The following PIP variants were observed in gnomAD, a reference collection of about 807,000 sequenced individuals.
PIP encodes prolactin-inducible protein.
PIP carries 9 observed loss-of-function variants against 12.8 expected under a neutral mutation model. That is an observed-to-expected ratio of 0.70 (90% CI 0.42 to 1.23). The LOEUF (loss-of-function observed/expected upper bound fraction) is 1.23, where lower values mean the gene tolerates loss of function less well. Ranked by LOEUF, PIP falls within the 50% of genes most tolerant of loss-of-function variation. The pLI, the probability that PIP is intolerant of heterozygous loss-of-function variation, is 0.00. For missense variants in PIP, 172 were observed against 179.5 expected, an observed-to-expected ratio of 0.96 and a Z score of 0.24; for synonymous variants, 60 against 66.1, an observed-to-expected ratio of 0.91 and a Z score of 0.45.
Position 143,139,508 on chromosome 7 carries a change from T to C in PIP, c.317-10T>C. On this transcript the variant is annotated splice_polypyrimidine_tract_variant and intron_variant, in intron 3 of 3. Coordinates refer to ENST00000291009, the MANE Select transcript of PIP (RefSeq NM_002652.3). ...GTCTGAGAGATGATCTCCGTCCCTG[T>C]CTTTTTCAGGAACTGTGCAAATTGC... 6.2e-7 allele frequency: 1 copy of C among 1,613,170 alleles called. No homozygotes were observed. The highest frequency in any genetic ancestry group is 8.5e-7 in the Non-Finnish European group (1 of 1,179,184).
chr7:143,139,304 C>A, intron 3 of PIP, 115 bp downstream of exon 3: 1 of 844,746 alleles, frequency 1.2e-6, no homozygotes, highest in Non-Finnish European at 2.0e-6. Context: ...GGCAGAAGGA[C>A]AGAAGGGAGG....
chr7:143,136,324 A>G (rs1040085157), intron 2 of PIP, among the ~76,000 whole-genome samples: 1 of 152,106 alleles, frequency 6.6e-6, no homozygotes, highest in Non-Finnish European at 1.5e-5. Flanking sequence ...ATTTCCTTAC[A>G]ACATAAGTTT....
chr7:143,139,537 C>G lies in PIP; in HGVS notation c.336C>G (p.Ala112=), dbSNP rs367785031. Residue 112 remains alanine, a synonymous_variant, in exon 4 of 4, where the codon GCC becomes GCG. Coordinates refer to ENST00000291009, the MANE Select transcript of PIP (RefSeq NM_002652.3). ...TTTCAGGAACTGTGCAAATTGCAGC[C>G]GTCGTTGATGTTATTCGGGAATTAG... ...FYTNRTVQIA[A]VVDVIRELGI... is the part of the protein sequence containing the mutation. 1.2e-6 allele frequency: 2 copies of G among 1,613,232 alleles called. No homozygotes were observed. The highest frequency in any genetic ancestry group is 2.2e-5 in the East Asian group (1 of 44,884).
At chr7:143,133,983 C>T (rs535681403) in intron 1 of PIP, among the ~76,000 whole-genome samples, 11 of 151,236 alleles carry the variant, frequency 7.3e-5, no homozygotes, top group African/African-American at 1.9e-4. Context: ...CACTCTTCCC[C>T]GCAAGTCCCC....
In PIP at chr7:143,135,296, G is replaced by A. The variant is rs748262434; in HGVS notation, c.198G>A (p.Met66Ile). The change falls in exon 2 of 4, where the codon ATG (methionine) becomes ATA (isoleucine). Residue 66 changes from methionine (M) to isoleucine (I), a missense_variant. Transcript: ENST00000291009. ...TTCAAACAGAATTGAAAGAATGCAT[G>A]GTGGTAAGTAGAGGACTGGGGGCGT... ...LAVQTELKEC[M>I]VVKTYLISSI... The A allele has an allele frequency of 2.1e-5, 32 of 1,518,638 alleles. No homozygotes were observed. The highest frequency in any genetic ancestry group is 2.6e-5 in the Non-Finnish European group (28 of 1,093,332). The allele number at this position is 1,518,638 out of a possible 1,614,324, so 94.1% of individuals were successfully genotyped here.
chr7:143,135,892 G>A (rs979949124), intron 2 of PIP, among the ~76,000 whole-genome samples: 2 of 151,966 alleles, frequency 1.3e-5, no homozygotes, highest in African/African-American at 4.8e-5. Flanking sequence ...TCTGAACAAG[G>A]TCAGAGGTTT....
rs770314871 is a variant in PIP at position 143,139,518 on chromosome 7, G to C, written c.317G>C (p.Arg106Thr). Residue 106 changes from arginine to threonine, a missense_variant and splice_region_variant, in exon 4 of 4, where the codon AGA (arginine) becomes ACA (threonine). Physicochemically the swap from Arg to Thr is moderately conservative, Grantham distance 71. Coordinates refer to ENST00000291009, the MANE Select transcript of PIP (RefSeq NM_002652.3). ...KTFYWDFYTN[R>T]TVQIAAVVDV... ...TGATCTCCGTCCCTGTCTTTTTCAGGAACTGTGCAAATTGCAGCCGTCGTT... is the reference window on the plus strand; with the variant it reads ...TGATCTCCGTCCCTGTCTTTTTCAGCAACTGTGCAAATTGCAGCCGTCGTT... 3 of 1,613,374 alleles carry C rather than the reference G, an allele frequency of 1.9e-6. No individual in the cohort carries two copies. The highest frequency in any genetic ancestry group is 2.5e-6 in the Non-Finnish European group (3 of 1,179,422).
chr7:143,139,060 C>T lies in PIP; in HGVS notation c.202-15C>T. On this transcript the variant is annotated splice_polypyrimidine_tract_variant and intron_variant, in intron 2 of 3. Coordinates refer to ENST00000291009, the MANE Select transcript of PIP (RefSeq NM_002652.3). ...AAATAACAATGAATTCCCCCTCCCA[C>T]CTTCTCCTCACCAGGTTAAAACTTA... is the stretch of plus-strand genomic sequence containing the variant. 1 of 1,237,036 alleles carries T rather than the reference C, an allele frequency of 8.1e-7. No homozygotes were observed. Among genetic ancestry groups the T allele is most frequent in the Non-Finnish European group, 1.2e-6 (1 of 834,660 alleles). 76.6% of individuals were successfully genotyped at this position (1,237,036 alleles called of 1,614,324 possible). A position where few individuals can be genotyped will look rare whatever the true frequency, so the allele number is the denominator to read the frequency against.
At position 143,139,679 on chromosome 7, in the gene PIP, C is replaced by T; in HGVS notation, c.*37C>T. The T allele has an allele frequency of 6.3e-7, 1 of 1,575,076 alleles. No individual in the cohort carries two copies. The highest frequency in any genetic ancestry group is 8.7e-7 in the Non-Finnish European group (1 of 1,150,458). Reference sequence around the variant, plus strand: ...TCTGTTTGCCACACCCAGGTGATTTCCTCTAAAGAAACTTGGCTGGAATTT... The same window carrying T: ...TCTGTTTGCCACACCCAGGTGATTTTCTCTAAAGAAACTTGGCTGGAATTT... On this transcript the variant is annotated 3_prime_UTR_variant, in exon 4 of 4. Transcript: ENST00000291009.
rs145772088 is a variant in PIP at position 143,137,850 on chromosome 7, C to T, written c.202-1225C>T. Among the ~76,000 whole-genome samples, 88 of 151,112 alleles carry T rather than the reference C, an allele frequency of 5.8e-4. 1 individual carries two copies. Among genetic ancestry groups the T allele is most frequent in the African/African-American group, 2.0e-3 (84 of 41,166 alleles). On this transcript the variant is annotated intron_variant, in intron 2 of 3. Transcript: ENST00000291009. ...GGGAGGCGGAGGTTGCAGTGAGCCACGTTCGCACCATTGCACTCCAGCCTG... is the reference window on the plus strand; with the variant it reads ...GGGAGGCGGAGGTTGCAGTGAGCCATGTTCGCACCATTGCACTCCAGCCTG...
chr7:143,139,650 CCTGT>C lies in PIP; in HGVS notation c.*13_*16del. On this transcript the variant is annotated 3_prime_UTR_variant, in exon 4 of 4. Coordinates refer to ENST00000291009, the MANE Select transcript of PIP (RefSeq NM_002652.3). ...ATCCTAAAGGTAGAATAATGGAAGC[CCTGT>C]CTGTTTGCCACACCCAGGTGATTTC... 1.2e-6 allele frequency: 2 copies of C among 1,604,028 alleles called. No individual in the cohort carries two copies. Among genetic ancestry groups the C allele is most frequent in the Non-Finnish European group, 8.5e-7 (1 of 1,171,996 alleles).
Position 143,139,546 on chromosome 7 carries a change from T to C in PIP, c.345T>C (p.Asp115=), listed in dbSNP as rs760800030. 2.5e-6 allele frequency: 4 copies of C among 1,613,300 alleles called. No homozygotes were observed. Among genetic ancestry groups the C allele is most frequent in the East Asian group, 4.5e-5 (2 of 44,886 alleles). ...NRTVQIAAVV[D]VIRELGICPD... ...CTGTGCAAATTGCAGCCGTCGTTGA[T>C]GTTATTCGGGAATTAGGCATCTGCC... Residue 115 remains aspartate, a synonymous_variant, in exon 4 of 4, where the codon GAT becomes GAC. Transcript: ENST00000291009.
Position 143,132,194 on chromosome 7 carries a change from C to A in PIP, c.78C>A (p.Asn26Lys), listed in dbSNP as rs367680918. The stretch of plus-strand genomic sequence containing the variant: ...TTCTCTGCCTGCAGTTGGGGGCCAA[C>A]AAAGCTCAGGACAACACGTGAGCCA... ...LLVLCLQLGA[N>K]KAQDNTRKII... Residue 26 changes from asparagine to lysine, a missense_variant, in exon 1 of 4, where the codon AAC becomes AAA. Asn to Lys is a moderately conservative substitution (Grantham distance 94). Transcript: ENST00000291009. 3.2e-5 allele frequency: 51 copies of A among 1,613,504 alleles called. 2 individuals are homozygous for A. The highest frequency in any genetic ancestry group is 1.6e-4 in the Middle Eastern group (1 of 6,082).
intron 3 of PIP, 23 bp from the exon 4 acceptor site, chr7:143,139,495 A>T (rs370136643): frequency 6.2e-7 from 1 of 1,611,980 alleles, no homozygotes; most frequent in Admixed American, 1.7e-5. Context: ...CTGAGAGATG[A>T]TCTCCGTCCC....
chr7:143,132,489 T>C (rs568232385), intron 1 of PIP, among the ~76,000 whole-genome samples: 1 of 152,276 alleles, frequency 6.6e-6, no homozygotes, highest in African/African-American at 2.4e-5. Flanking sequence ...TCATCTAACA[T>C]GCTGATCCAC....
rs773192582 is a variant in PIP, at chr7:143,132,238, A to G, written c.95+27A>G. 9 of 1,587,704 alleles carry G rather than the reference A, an allele frequency of 5.7e-6. No individual in the cohort carries two copies. The Admixed American group carries it at 1.2e-4, about 22-fold the overall frequency. On this transcript the variant is annotated intron_variant, in intron 1 of 3. Transcript: ENST00000291009. ...TGAGCCATGCCCTTCTCCTCCCCAC[A>G]AAAAAAATTGCAGGGAGGGCTCCTC... is the stretch of plus-strand genomic sequence containing the variant.
intron 2 of PIP, among the ~76,000 whole-genome samples, chr7:143,138,102 G>A (rs1477539561): frequency 1.3e-5 from 2 of 152,022 alleles, no homozygotes; most frequent in Non-Finnish European, 2.9e-5. Context: ...GGCCTCAGTC[G>A]TGACCATGAG....
In PIP at chr7:143,139,086, C is replaced by G. The variant is rs774205062; in HGVS notation, c.213C>G (p.Tyr71Ter). Residue 71 changes from tyrosine to a stop codon, truncating the protein, a stop_gained, in exon 3 of 4, where the codon TAC becomes TAG. Transcript: ENST00000291009. LOFTEE classifies it high-confidence loss of function. ...CTTCTCCTCACCAGGTTAAAACTTACCTCATTAGCAGCATCCCTCTACAAG... is the reference window on the plus strand; with the variant it reads ...CTTCTCCTCACCAGGTTAAAACTTAGCTCATTAGCAGCATCCCTCTACAAG... ...ELKECMVVKT[Y>*]LISSIPLQGA... The G allele has an allele frequency of 7.1e-6, 11 of 1,552,042 alleles. No homozygotes were observed. The East Asian group carries it at 2.0e-4, about 28-fold the overall frequency.
At chr7:143,137,986 TCCAAGGGTGAGAACAC>T (rs1431367461) in intron 2 of PIP, among the ~76,000 whole-genome samples, 2 of 151,700 alleles carry the variant, frequency 1.3e-5, no homozygotes, top group Non-Finnish European at 2.9e-5. Flanking sequence ...TGAGTAAAAC[TCCAAGGGTGAGAACAC>T]CTGAATTTAC....
Sources: allele counts gnomAD v4.1 joint callset (sites outside exome capture counted in the v4.1 genomes callset), GRCh38; gene constraint gnomAD v4.1.1; transcripts MANE v1.5; gene names NCBI Gene and HGNC (gene_info 2026-07-23, HGNC 2026-07-21).